The following CCDC102B variants were observed in gnomAD, a reference collection of about 807,000 sequenced individuals.
CCDC102B encodes coiled-coil domain containing 102B.
In CCDC102B, 75 loss-of-function variants were observed where a neutral mutation model predicts 57.4. That is an observed-to-expected ratio of 1.31 (90% CI 1.08 to 1.58). The LOEUF (loss-of-function observed/expected upper bound fraction) is 1.58. Among genes scored for constraint, CCDC102B ranks in the 40% most tolerant of loss-of-function variants. The pLI is 0.00. For synonymous variants in CCDC102B, 206 were observed against 201.9 expected (o/e 1.02, Z -0.17); for missense variants, 636 against 582.6 (o/e 1.09, Z -0.94).
At chr18:68,717,062 G>A (rs2032056119) in intron 2 of CCDC102B, among the ~76,000 whole-genome samples, 1 of 148,870 alleles carries the variant, frequency 6.7e-6, no homozygotes, top group Admixed American at 6.7e-5. Flanking sequence ...GGGCGACAGA[G>A]CAAGACTCTG....
intron 7 of CCDC102B, among the ~76,000 whole-genome samples, chr18:69,035,561 A>G (rs946236492): frequency 5.9e-5 from 9 of 152,124 alleles, no homozygotes; most frequent in Non-Finnish European, 1.0e-4. Context: ...ATTGAAATAC[A>G]TGTAGAATCA....
At chr18:68,919,655 A>C (rs1404381305) in intron 6 of CCDC102B, among the ~76,000 whole-genome samples, 1 of 152,130 alleles carries the variant, frequency 6.6e-6, no homozygotes, top group Admixed American at 6.6e-5. Flanking sequence ...CTGCAAACTT[A>C]GGCTACAAAA....
intron 6 of CCDC102B, among the ~76,000 whole-genome samples, chr18:68,987,481 T>C (rs2050753333): frequency 6.6e-6 from 1 of 152,082 alleles, no homozygotes; most frequent in African/African-American, 2.4e-5. Flanking sequence ...GAAACACCTT[T>C]CTCAGCGTCA....
chr18:68,826,523 A>G (rs1410533442), intron 1 of CCDC102B, among the ~76,000 whole-genome samples: 1 of 152,178 alleles, frequency 6.6e-6, no homozygotes, highest in Non-Finnish European at 1.5e-5. Context: ...CTTTTATAAC[A>G]TATTATACGT....
chr18:68,778,028 G>A (rs2034882600), intron 2 of CCDC102B, among the ~76,000 whole-genome samples: 1 of 152,118 alleles, frequency 6.6e-6, no homozygotes, highest in Non-Finnish European at 1.5e-5. Flanking sequence ...AGTTTAACAA[G>A]TGAGGTAACA....
chr18:69,052,700 C>T (rs186458494), intron 7 of CCDC102B, among the ~76,000 whole-genome samples: 49 of 151,802 alleles, frequency 3.2e-4, no homozygotes, highest in East Asian at 1.2e-3. Flanking sequence ...GAAAGTCGTG[C>T]GGTGCGTTGC....
chr18:68,862,361 G>A (rs2038798544), intron 4 of CCDC102B, among the ~76,000 whole-genome samples: 1 of 152,072 alleles, frequency 6.6e-6, no homozygotes, highest in Non-Finnish European at 1.5e-5. Flanking sequence ...GTTGAAACAG[G>A]CACTGAACCC....
intron 6 of CCDC102B, among the ~76,000 whole-genome samples, chr18:68,987,480 T>C (rs563134283): frequency 1.3e-5 from 2 of 152,242 alleles, no homozygotes; most frequent in Admixed American, 1.3e-4. Context: ...GGAAACACCT[T>C]TCTCAGCGTC....
chr18:68,899,425 C>CTATATATA (rs142222036), intron 6 of CCDC102B, among the ~76,000 whole-genome samples: 2 of 146,788 alleles, frequency 1.4e-5, no homozygotes, highest in South Asian at 2.2e-4. Flanking sequence ...TACCATGGTG[C>CTATATATA]TATATATATA....
chr18:69,042,771 A>G (rs75484110), intron 7 of CCDC102B, among the ~76,000 whole-genome samples: 4,519 of 152,008 alleles, frequency 0.03, 149 homozygotes, highest in East Asian at 0.16. Context: ...AATATTTATG[A>G]AAATAAACTT....
chr18:68,859,853 G>A (rs1301086034), intron 4 of CCDC102B, among the ~76,000 whole-genome samples: 1 of 72,298 alleles, frequency 1.4e-5, no homozygotes, highest in African/African-American at 3.8e-5. Flanking sequence ...CACTGTTGGT[G>A]GGACTGTAAA....
chr18:68,844,221 T>C (rs1487537341), intron 3 of CCDC102B, among the ~76,000 whole-genome samples: 1 of 151,924 alleles, frequency 6.6e-6, no homozygotes. Flanking sequence ...AAGTATAATA[T>C]CAAAAGCAGA....
intron 6 of CCDC102B, among the ~76,000 whole-genome samples, chr18:68,993,564 T>C (rs536615775): frequency 6.6e-6 from 1 of 152,364 alleles, no homozygotes; most frequent in Non-Finnish European, 1.5e-5. Flanking sequence ...CATTACTTTA[T>C]GCAAAATTTA....
intron 6 of CCDC102B, among the ~76,000 whole-genome samples, chr18:68,942,415 C>T (rs1190872074): frequency 6.6e-6 from 1 of 151,968 alleles, no homozygotes; most frequent in Non-Finnish European, 1.5e-5. Flanking sequence ...GGACCCACGC[C>T]GGCCCAGTCT....
intron 6 of CCDC102B, among the ~76,000 whole-genome samples, chr18:68,979,461 G>A (rs375706572): frequency 7.2e-4 from 109 of 151,946 alleles, no homozygotes; most frequent in African/African-American, 2.5e-3. Flanking sequence ...AAAACAAGTC[G>A]GCCAAGCTGG....
chr18:69,030,918 G>C (rs1599872917), intron 7 of CCDC102B, among the ~76,000 whole-genome samples: 1 of 152,166 alleles, frequency 6.6e-6, no homozygotes, highest in Admixed American at 6.5e-5. Context: ...CTCCCAAAGT[G>C]CTGGGATTAC....
chr18:68,960,556 C>T (rs2050020574), intron 6 of CCDC102B, among the ~76,000 whole-genome samples: 1 of 152,154 alleles, frequency 6.6e-6, no homozygotes. Context: ...TACACTGGCT[C>T]AGAGCCCAGC....
At chr18:68,931,461 G>A (rs1420390455) in intron 6 of CCDC102B, among the ~76,000 whole-genome samples, 1 of 151,626 alleles carries the variant, frequency 6.6e-6, no homozygotes, top group African/African-American at 2.4e-5. Context: ...CTCAACATGG[G>A]CCATATCATC....
At chr18:68,815,060 G>T (rs1461996352) in intron 1 of CCDC102B, among the ~76,000 whole-genome samples, 2 of 152,022 alleles carry the variant, frequency 1.3e-5, no homozygotes, top group African/African-American at 4.8e-5. Flanking sequence ...GTTAAAGCAG[G>T]ATATTTTATA....
Sources: allele counts gnomAD v4.1 joint callset (sites outside exome capture counted in the v4.1 genomes callset), GRCh38; gene constraint gnomAD v4.1.1; transcripts MANE v1.5; gene names NCBI Gene and HGNC (gene_info 2026-07-23, HGNC 2026-07-21).